The following DYNC1I1 variants were observed in gnomAD, a reference collection of about 807,000 sequenced individuals.
The protein encoded by DYNC1I1 is dynein cytoplasmic 1 intermediate chain 1.
Under a neutral mutation model 86.6 loss-of-function variants are expected in DYNC1I1, and 43 were observed. The observed-to-expected ratio is 0.50, with a 90% CI of 0.39 to 0.64. The LOEUF is 0.64. Ranked by LOEUF, DYNC1I1 falls within the 30% of genes least tolerant of loss-of-function variation. The pLI, the probability that DYNC1I1 is intolerant of heterozygous loss-of-function variation, is 0.00. For synonymous variants in DYNC1I1, 262 were observed against 283.7 expected, an observed-to-expected ratio of 0.92 and a Z score of 0.77; for missense variants, 604 against 788.8, an observed-to-expected ratio of 0.77 and a Z score of 2.81.
At chr7:95,998,132 T>A (rs973272420) in intron 10 of DYNC1I1, among the ~76,000 whole-genome samples, 5 of 152,240 alleles carry the variant, frequency 3.3e-5, no homozygotes, top group African/African-American at 1.2e-4. Context: ...ATCTCATTGA[T>A]TGTACAACAG....
At chr7:95,837,203 GC>G (rs1789122076) in intron 5 of DYNC1I1, among the ~76,000 whole-genome samples, 1 of 151,948 alleles carries the variant, frequency 6.6e-6, no homozygotes, top group South Asian at 2.1e-4. Flanking sequence ...ACCCTCAGCT[GC>G]AGGTCTGTTG....
intron 6 of DYNC1I1, among the ~76,000 whole-genome samples, chr7:95,931,398 C>T (rs1259546603): frequency 1.3e-5 from 2 of 152,204 alleles, no homozygotes; most frequent in African/African-American, 4.8e-5. Context: ...GATCCACCCA[C>T]TCGGCCTCTC....
At chr7:95,861,416 C>T (rs1247908890) in intron 5 of DYNC1I1, among the ~76,000 whole-genome samples, 1 of 152,148 alleles carries the variant, frequency 6.6e-6, no homozygotes, top group Admixed American at 6.5e-5. Context: ...ATATATCTTG[C>T]AGCTTTACCT....
intron 10 of DYNC1I1, among the ~76,000 whole-genome samples, chr7:96,024,422 G>A (rs911048773): frequency 1.3e-5 from 2 of 151,916 alleles, no homozygotes; most frequent in African/African-American, 2.4e-5. Context: ...AAGGCCATAC[G>A]TTATTTTTCA....
chr7:95,890,556 A>G (rs912373391), intron 6 of DYNC1I1, among the ~76,000 whole-genome samples: 3 of 152,206 alleles, frequency 2.0e-5, no homozygotes, highest in African/African-American at 7.2e-5. Flanking sequence ...ACCCATATAA[A>G]AAACCTTCAG....
intron 6 of DYNC1I1, among the ~76,000 whole-genome samples, chr7:95,938,849 A>G (rs907228697): frequency 1.2e-4 from 19 of 152,248 alleles, no homozygotes; most frequent in African/African-American, 3.6e-4. Flanking sequence ...GGATCACCTT[A>G]TTTATTTTTA....
chr7:96,060,741 A>G (rs1789739345), intron 14 of DYNC1I1, among the ~76,000 whole-genome samples: 1 of 152,080 alleles, frequency 6.6e-6, no homozygotes, highest in African/African-American at 2.4e-5. Context: ...AAAGGAGCAT[A>G]TGGGAAATCT....
chr7:95,947,608 A>T (rs1197841552), intron 6 of DYNC1I1, among the ~76,000 whole-genome samples: 1 of 152,074 alleles, frequency 6.6e-6, no homozygotes, highest in Non-Finnish European at 1.5e-5. Context: ...CACTCCACCC[A>T]TGGGAAATGC....
At chr7:96,062,797 G>A (rs980362695) in intron 14 of DYNC1I1, among the ~76,000 whole-genome samples, 1 of 152,214 alleles carries the variant, frequency 6.6e-6, no homozygotes, top group African/African-American at 2.4e-5. Context: ...TGCAGAGGGT[G>A]ACAAAATTAA....
intron 1 of DYNC1I1, among the ~76,000 whole-genome samples, chr7:95,775,920 A>G (rs970826477): frequency 5.9e-5 from 9 of 152,200 alleles, no homozygotes; most frequent in Admixed American, 1.3e-4. Context: ...CTTCTTTGCA[A>G]TGTATAAACC....
At chr7:95,821,328 C>T (rs1795072390) in intron 4 of DYNC1I1, among the ~76,000 whole-genome samples, 1 of 152,094 alleles carries the variant, frequency 6.6e-6, no homozygotes, top group Non-Finnish European at 1.5e-5. Flanking sequence ...AATATGCATA[C>T]TCAGAGAAGA....
At chr7:95,804,460 T>A in intron 1 of DYNC1I1, 1 of 1,065,368 alleles carries the variant, frequency 9.4e-7, no homozygotes, top group Non-Finnish European at 1.3e-6. Flanking sequence ...AAGTTGCGAT[T>A]CTTGCTTAGG....
intron 6 of DYNC1I1, among the ~76,000 whole-genome samples, chr7:95,886,820 C>T (rs1218142366): frequency 6.6e-6 from 1 of 152,186 alleles, no homozygotes; most frequent in East Asian, 1.9e-4. Context: ...GCAGTGATCA[C>T]AGAGAACAAG....
At chr7:95,941,067 A>G (rs981282632) in intron 6 of DYNC1I1, among the ~76,000 whole-genome samples, 1 of 152,240 alleles carries the variant, frequency 6.6e-6, no homozygotes, top group African/African-American at 2.4e-5. Flanking sequence ...GGTCCACTCC[A>G]GACACTGTTT....
chr7:96,051,161 T>G (rs1036307169), intron 14 of DYNC1I1, among the ~76,000 whole-genome samples: 5 of 152,180 alleles, frequency 3.3e-5, no homozygotes, highest in African/African-American at 1.2e-4. Flanking sequence ...TTTTTATTAA[T>G]GCATCCAGTT....
At chr7:95,891,241 G>A (rs988223393) in intron 6 of DYNC1I1, among the ~76,000 whole-genome samples, 6 of 152,138 alleles carry the variant, frequency 3.9e-5, no homozygotes, top group African/African-American at 7.2e-5. Flanking sequence ...CCAAGACTAC[G>A]AAGAAATATA....
At chr7:95,804,897 G>C (rs983454395) in intron 2 of DYNC1I1, 60 bp downstream of exon 2, 1 of 1,517,670 alleles carries the variant, frequency 6.6e-7, no homozygotes, top group Admixed American at 2.3e-5. Flanking sequence ...ATTCTGAGGG[G>C]CTGGTCAAAT....
chr7:95,965,093 A>G (rs1280545165), intron 6 of DYNC1I1, among the ~76,000 whole-genome samples: 1 of 152,216 alleles, frequency 6.6e-6, no homozygotes, highest in African/African-American at 2.4e-5. Context: ...GGATGGCTAC[A>G]CGTACACATG....
intron 14 of DYNC1I1, among the ~76,000 whole-genome samples, chr7:96,067,783 GA>G (rs1435413741): frequency 2.6e-5 from 4 of 152,072 alleles, no homozygotes; most frequent in African/African-American, 9.7e-5. Context: ...CCTTTAACCA[GA>G]GTGGAAATGT....
Sources: allele counts gnomAD v4.1 joint callset (sites outside exome capture counted in the v4.1 genomes callset), GRCh38; gene constraint gnomAD v4.1.1; transcripts MANE v1.5; gene names NCBI Gene and HGNC (gene_info 2026-07-23, HGNC 2026-07-21).